The following SLIT3 variants were observed in gnomAD, a reference collection of about 807,000 sequenced individuals.
SLIT3 encodes slit guidance ligand 3.
In SLIT3, 68 loss-of-function variants were observed where a neutral mutation model predicts 184.0. That is an observed-to-expected ratio of 0.37 (90% confidence interval 0.30 to 0.45). The LOEUF (loss-of-function observed/expected upper bound fraction) is 0.45, where lower values mean the gene tolerates loss of function less well. Among genes scored for constraint, SLIT3 ranks in the 20% least tolerant of loss-of-function variants. SLIT3 has a pLI of 1.00. For synonymous variants in SLIT3, 831 were observed against 828.6 expected (o/e 1.00, Z -0.05); for missense variants, 1,707 against 2,026.0 (o/e 0.84, Z 3.02).
At chr5:168,793,182 G>A (rs1456777627) in intron 10 of SLIT3, among the ~76,000 whole-genome samples, 1 of 152,100 alleles carries the variant, frequency 6.6e-6, no homozygotes, top group Admixed American at 6.5e-5. Context: ...TAACCACTAG[G>A]AATAGGCAGA....
At chr5:169,059,390 C>T (rs1377159585) in intron 4 of SLIT3, among the ~76,000 whole-genome samples, 3 of 152,196 alleles carry the variant, frequency 2.0e-5, no homozygotes, top group Non-Finnish European at 4.4e-5. Flanking sequence ...TCTTTGTAAG[C>T]CTTACCCATT....
At chr5:169,031,138 GC>G (rs1470014206) in intron 4 of SLIT3, among the ~76,000 whole-genome samples, 1 of 152,116 alleles carries the variant, frequency 6.6e-6, no homozygotes, top group Non-Finnish European at 1.5e-5. Context: ...CTTGCAGATG[GC>G]CCTGGGAAGC....
intron 4 of SLIT3, among the ~76,000 whole-genome samples, chr5:168,944,154 T>C (rs1447566390): frequency 1.3e-5 from 2 of 152,192 alleles, no homozygotes; most frequent in Non-Finnish European, 2.9e-5. Context: ...CCCGAGATTT[T>C]GTAATTATTC....
intron 1 of SLIT3, among the ~76,000 whole-genome samples, chr5:169,274,110 C>G (rs1304430501): frequency 6.6e-6 from 1 of 152,176 alleles, no homozygotes; most frequent in African/African-American, 2.4e-5. Flanking sequence ...TAGAAGTGCC[C>G]ATTGTAGGGC....
intron 4 of SLIT3, among the ~76,000 whole-genome samples, chr5:168,922,774 T>A (rs1192954424): frequency 6.6e-6 from 1 of 152,024 alleles, no homozygotes; most frequent in East Asian, 1.9e-4. Context: ...GGGAGATAAA[T>A]ACACAGGTAA....
At chr5:168,746,808 TGTGTGGTGTGTGAGTGTGGTGGTGTGG>T in intron 20 of SLIT3, among the ~76,000 whole-genome samples, 1 of 69,542 alleles carries the variant, frequency 1.4e-5, no homozygotes, top group Non-Finnish European at 2.8e-5. Flanking sequence ...GGTGTGGCGG[TGTGTGGTGTGTGAGTGTGGTGGTGTGG>T]GTGTGGTGGT....
chr5:168,702,067 G>A (rs1762233160), intron 26 of SLIT3, among the ~76,000 whole-genome samples: 2 of 152,248 alleles, frequency 1.3e-5, no homozygotes, highest in Non-Finnish European at 2.9e-5. Flanking sequence ...CAGCAAAGGG[G>A]CCAGTCAGAG....
intron 11 of SLIT3, among the ~76,000 whole-genome samples, chr5:168,789,255 T>G (rs892974257): frequency 6.6e-4 from 1 of 1,506 alleles, no homozygotes; most frequent in South Asian, 0.013. Flanking sequence ...GCATGTGGGG[T>G]GGGAGGGGGA....
At chr5:169,167,406 C>G (rs1285639623) in intron 4 of SLIT3, among the ~76,000 whole-genome samples, 3 of 150,678 alleles carry the variant, frequency 2.0e-5, no homozygotes, top group African/African-American at 7.3e-5. Flanking sequence ...TCCCGAGTAG[C>G]TGGGATTACA....
intron 32 of SLIT3, among the ~76,000 whole-genome samples, chr5:168,675,684 T>C (rs1761384901): frequency 6.6e-6 from 1 of 152,126 alleles, no homozygotes; most frequent in South Asian, 2.1e-4. Flanking sequence ...CTGGGAAACA[T>C]AGCACGACCC....
intron 8 of SLIT3, among the ~76,000 whole-genome samples, chr5:168,814,229 C>T (rs996701254): frequency 6.6e-6 from 1 of 152,060 alleles, no homozygotes; most frequent in African/African-American, 2.4e-5. Flanking sequence ...AACCCCATCG[C>T]TACTAAAAAT....
At chr5:169,013,932 G>C (rs935760775) in intron 4 of SLIT3, among the ~76,000 whole-genome samples, 1 of 152,210 alleles carries the variant, frequency 6.6e-6, no homozygotes, top group African/African-American at 2.4e-5. Context: ...TGAGAAGAGA[G>C]ACTGCCTGTC....
rs1160514263 is a variant in SLIT3, at chr5:168,708,063, G to A, written c.2757C>T (p.Ala919=). ...TATTCTTGCACGGGCTGGAGAGGCA[G>A]GCATTGCATTTGGCCACAATGTTGA... is the stretch of plus-strand genomic sequence containing the variant. ...VDINIVAKCN[A]CLSSPCKNNG... Residue 919 remains alanine, a synonymous_variant, in exon 26 of 36, where the codon GCC becomes GCT. Transcript: ENST00000519560. 5 of 1,614,218 alleles carry A rather than the reference G, an allele frequency of 3.1e-6. No individual in the cohort carries two copies. Among genetic ancestry groups the A allele is most frequent in the Non-Finnish European group, 4.2e-6 (5 of 1,180,040 alleles).
At chr5:169,197,167 A>G (rs1156268425) in intron 3 of SLIT3, among the ~76,000 whole-genome samples, 1 of 152,224 alleles carries the variant, frequency 6.6e-6, no homozygotes, top group Non-Finnish European at 1.5e-5. Context: ...AAATAAAAAT[A>G]TAACTAAATT....
chr5:168,980,559 G>A (rs908786026), intron 4 of SLIT3, among the ~76,000 whole-genome samples: 2 of 152,180 alleles, frequency 1.3e-5, no homozygotes, highest in Non-Finnish European at 2.9e-5. Context: ...CACACTTCAA[G>A]CTCTTTCCAC....
intron 14 of SLIT3, among the ~76,000 whole-genome samples, chr5:168,765,071 T>C (rs1189658419): frequency 2.6e-5 from 4 of 152,206 alleles, no homozygotes; most frequent in Non-Finnish European, 5.9e-5. Flanking sequence ...AATGGGATCC[T>C]TGCAAAGCGA....
At chr5:169,177,737 CT>C (rs1173694174) in intron 4 of SLIT3, among the ~76,000 whole-genome samples, 1 of 152,188 alleles carries the variant, frequency 6.6e-6, no homozygotes. Flanking sequence ...TCTGAAATGC[CT>C]AGAGGGTGGA....
chr5:168,902,945 G>A (rs1279377408), intron 4 of SLIT3, among the ~76,000 whole-genome samples: 1 of 152,302 alleles, frequency 6.6e-6, no homozygotes, highest in East Asian at 1.9e-4. Context: ...AGGAGGTGAT[G>A]GGCAGATGGG....
At chr5:168,686,477 C>A (rs760542210) in intron 30 of SLIT3, among the ~76,000 whole-genome samples, 1 of 152,136 alleles carries the variant, frequency 6.6e-6, no homozygotes, top group Non-Finnish European at 1.5e-5. Context: ...GTGAAATAAG[C>A]CCAACAAAGG....
Sources: allele counts gnomAD v4.1 joint callset (sites outside exome capture counted in the v4.1 genomes callset), GRCh38; gene constraint gnomAD v4.1.1; transcripts MANE v1.5; gene names NCBI Gene and HGNC (gene_info 2026-07-23, HGNC 2026-07-21).